Variants in SDK2 observed in about 807,000 individuals in gnomAD.
The protein encoded by SDK2 is protein sidekick-2.
A neutral mutation model predicts 253.9 loss-of-function variants in SDK2; 105 were observed. That is an observed-to-expected ratio of 0.41 (90% CI 0.35 to 0.49). The LOEUF (loss-of-function observed/expected upper bound fraction) is 0.49. Among genes scored for constraint, SDK2 ranks in the 20% least tolerant of loss-of-function variants. The pLI is 0.06. For missense variants in SDK2, 2,608 were observed against 3,003.0 expected (o/e 0.87, Z 3.07); for synonymous variants, 1,249 against 1,234.9 (o/e 1.01, Z -0.24).
At chr17:73,503,489 A>G (rs1255968772) in intron 2 of SDK2, among the ~76,000 whole-genome samples, 1 of 152,204 alleles carries the variant, frequency 6.6e-6, no homozygotes, top group Non-Finnish European at 1.5e-5. Flanking sequence ...GTAAGAGAGC[A>G]CAAATGAGCA....
chr17:73,587,345 G>T (rs141096877), intron 1 of SDK2, among the ~76,000 whole-genome samples: 2,467 of 152,322 alleles, frequency 0.016, 36 homozygotes, highest in Non-Finnish European at 0.022. Flanking sequence ...GCAGAGCCTG[G>T]ACAGAGGACA....
At chr17:73,508,951 G>A (rs2063956000) in intron 1 of SDK2, among the ~76,000 whole-genome samples, 1 of 152,258 alleles carries the variant, frequency 6.6e-6, no homozygotes, top group Non-Finnish European at 1.5e-5. Context: ...CCTACTATGT[G>A]CCACGGGCTT....
At chr17:73,555,474 G>A (rs1259695448) in intron 1 of SDK2, among the ~76,000 whole-genome samples, 1 of 152,224 alleles carries the variant, frequency 6.6e-6, no homozygotes, top group African/African-American at 2.4e-5. Context: ...GGATGCTGAG[G>A]CCCAGGAAAG....
At chr17:73,615,993 G>A (rs1452824927) in intron 1 of SDK2, among the ~76,000 whole-genome samples, 2 of 151,788 alleles carry the variant, frequency 1.3e-5, no homozygotes, top group East Asian at 3.9e-4. Flanking sequence ...CCAAATACAC[G>A]TACACACGCA....
intron 1 of SDK2, among the ~76,000 whole-genome samples, chr17:73,580,526 A>C (rs904302112): frequency 3.9e-5 from 6 of 152,212 alleles, no homozygotes; most frequent in Non-Finnish European, 8.8e-5. Context: ...CTTCATGGGC[A>C]TGAGATCCAT....
At chr17:73,535,425 T>C (rs1309148087) in intron 1 of SDK2, among the ~76,000 whole-genome samples, 1 of 152,200 alleles carries the variant, frequency 6.6e-6, no homozygotes, top group Non-Finnish European at 1.5e-5. Context: ...CTGGTGTGCA[T>C]CTGCTGGGTG....
intron 3 of SDK2, among the ~76,000 whole-genome samples, chr17:73,461,374 C>T (rs757017926): frequency 6.6e-5 from 10 of 152,210 alleles, no homozygotes; most frequent in South Asian, 2.1e-4. Context: ...CAAAAGCAAA[C>T]GTTTGGTGAT....
chr17:73,483,121 T>C (rs1006827321), intron 2 of SDK2, among the ~76,000 whole-genome samples: 3 of 151,880 alleles, frequency 2.0e-5, no homozygotes, highest in Non-Finnish European at 4.4e-5. Context: ...CCCTCAAGAC[T>C]GCTCTGCGGT....
intron 1 of SDK2, among the ~76,000 whole-genome samples, chr17:73,564,757 G>A (rs1313819647): frequency 1.3e-5 from 2 of 152,066 alleles, no homozygotes; most frequent in African/African-American, 2.4e-5. Context: ...CCTGGGAGGC[G>A]GAGGTTGCAG....
intron 1 of SDK2, among the ~76,000 whole-genome samples, chr17:73,550,504 C>G (rs776846280): frequency 2.6e-5 from 4 of 152,134 alleles, no homozygotes; most frequent in Non-Finnish European, 5.9e-5. Flanking sequence ...GACACAGAGA[C>G]CCTGGGTGGC....
chr17:73,466,520 G>A (rs1449868677), intron 3 of SDK2, among the ~76,000 whole-genome samples: 5 of 152,186 alleles, frequency 3.3e-5, no homozygotes, highest in African/African-American at 1.2e-4. Flanking sequence ...GCAGAAGAAG[G>A]TAGACAGTGG....
intron 9 of SDK2, among the ~76,000 whole-genome samples, chr17:73,434,464 G>A (rs1262932925): frequency 6.6e-6 from 1 of 152,196 alleles, no homozygotes; most frequent in South Asian, 2.1e-4. Context: ...CACCTTTGGG[G>A]CACACCTACA....
rs187261644 is a variant in SDK2 at position 73,336,954 on chromosome 17, C to T, written c.*1633G>A. 3 of 152,374 alleles carry T rather than the reference C, an allele frequency of 2.0e-5. No homozygotes were observed. Among genetic ancestry groups the T allele is most frequent in the Non-Finnish European group, 2.9e-5 (2 of 68,062 alleles). 9.4% of individuals were successfully genotyped at this position (152,374 alleles called of 1,614,324 possible). A position where few individuals can be genotyped will look rare whatever the true frequency, so the allele number is the denominator to read the frequency against. On this transcript the variant is annotated 3_prime_UTR_variant, in exon 45 of 45. Coordinates refer to ENST00000392650, the MANE Select transcript of SDK2 (RefSeq NM_001144952.2). ...TGGAGTTAGATAGAAAGGCTTCTCC[C>T]TAAACCCTGGCATCCGTAAGTACCA...
chr17:73,505,511 A>G (rs2063927863), intron 2 of SDK2, among the ~76,000 whole-genome samples: 1 of 151,722 alleles, frequency 6.6e-6, no homozygotes, highest in South Asian at 2.1e-4. Flanking sequence ...CAATAGCTGG[A>G]CCTCATCATC....
chr17:73,528,747 A>G (rs887353297), intron 1 of SDK2, among the ~76,000 whole-genome samples: 2 of 151,982 alleles, frequency 1.3e-5, no homozygotes, highest in Admixed American at 6.5e-5. Flanking sequence ...CAATCTCTCT[A>G]CGGCTCATCT....
At chr17:73,433,704 A>G (rs1250260533) in intron 10 of SDK2, 28 bp downstream of exon 10, 1 of 1,514,168 alleles carries the variant, frequency 6.6e-7, no homozygotes, top group East Asian at 2.4e-5. Context: ...TCACCCAGCC[A>G]CACTCTCTGA....
chr17:73,376,425 G>A (rs192118442), intron 36 of SDK2, among the ~76,000 whole-genome samples: 1 of 148,486 alleles, frequency 6.7e-6, no homozygotes, highest in Admixed American at 6.6e-5. Context: ...CGCACCAGTT[G>A]GGTGCAGTCT....
intron 44 of SDK2, among the ~76,000 whole-genome samples, chr17:73,345,500 T>C (rs1287315978): frequency 1.3e-5 from 2 of 152,208 alleles, no homozygotes; most frequent in East Asian, 1.9e-4. Context: ...TGCCCACTAC[T>C]GTAGCCATCG....
chr17:73,598,917 G>A (rs1282675962), intron 1 of SDK2, among the ~76,000 whole-genome samples: 4 of 152,212 alleles, frequency 2.6e-5, no homozygotes, highest in African/African-American at 9.7e-5. Context: ...ACCAAGCGCC[G>A]GCTTGCTTCG....
Sources: allele counts gnomAD v4.1 joint callset (sites outside exome capture counted in the v4.1 genomes callset), GRCh38; gene constraint gnomAD v4.1.1; transcripts MANE v1.5; gene names NCBI Gene and HGNC (gene_info 2026-07-23, HGNC 2026-07-21).